PITPNB: variants seen among roughly 807,000 people sequenced by gnomAD.
PITPNB encodes phosphatidylinositol transfer protein beta isoform.
In PITPNB, 16 loss-of-function variants were observed where a neutral mutation model predicts 45.9. The ratio of observed to expected loss-of-function variants is 0.35; its 90% CI spans 0.24 to 0.53. The LOEUF (loss-of-function observed/expected upper bound fraction) is 0.53. Among genes scored for constraint, PITPNB ranks in the 20% least tolerant of loss-of-function variants. PITPNB has a pLI of 0.93. For missense variants in PITPNB, 188 were observed against 330.5 expected (o/e 0.57, Z 3.34); for synonymous variants, 112 against 108.9 (o/e 1.03, Z -0.18).
chr22:27,898,427 T>G (rs76967729), intron 3 of PITPNB, among the ~76,000 whole-genome samples: 1 of 139,332 alleles, frequency 7.2e-6, no homozygotes, highest in Admixed American at 7.1e-5. Flanking sequence ...GTGTGTGTGG[T>G]TTTTTTTTTT....
chr22:27,854,596 G>A (rs1290197105), intron 11 of PITPNB, among the ~76,000 whole-genome samples: 1 of 152,204 alleles, frequency 6.6e-6, no homozygotes, highest in African/African-American at 2.4e-5. Context: ...GCTACATGAT[G>A]AGTAACAGCA....
chr22:27,890,916 C>G (rs1318791949), intron 7 of PITPNB, among the ~76,000 whole-genome samples: 1 of 152,218 alleles, frequency 6.6e-6, no homozygotes, highest in Non-Finnish European at 1.5e-5. Context: ...AGTACTGACA[C>G]ACACTACGAA....
At chr22:27,913,057 C>T (rs1342545983) in intron 2 of PITPNB, among the ~76,000 whole-genome samples, 6 of 148,962 alleles carry the variant, frequency 4.0e-5, no homozygotes, top group African/African-American at 7.4e-5. Flanking sequence ...AGTGACAATA[C>T]CAAGACTCAA....
At chr22:27,856,274 A>T (rs1934169366) in intron 10 of PITPNB, among the ~76,000 whole-genome samples, 1 of 152,232 alleles carries the variant, frequency 6.6e-6, no homozygotes, top group Admixed American at 6.5e-5. Context: ...GGTGACACTA[A>T]GGAATTGGGC....
At chr22:27,871,513 C>T (rs1934658358) in intron 8 of PITPNB, among the ~76,000 whole-genome samples, 2 of 152,182 alleles carry the variant, frequency 1.3e-5, no homozygotes, top group Non-Finnish European at 2.9e-5. Context: ...GTGGAGGTAG[C>T]CACCATCTGG....
chr22:27,905,659 C>T (rs1246400462), intron 3 of PITPNB, among the ~76,000 whole-genome samples: 3 of 152,226 alleles, frequency 2.0e-5, no homozygotes, highest in African/African-American at 4.8e-5. Context: ...TCTTCTGTTT[C>T]GACCTTTGGG....
At chr22:27,885,595 G>A (rs537214201) in intron 7 of PITPNB, among the ~76,000 whole-genome samples, 7 of 152,052 alleles carry the variant, frequency 4.6e-5, no homozygotes, top group Admixed American at 1.3e-4. Context: ...CTGCAGCCTC[G>A]AACTCCTGAA....
At chr22:27,866,930 C>T (rs894323570) in intron 8 of PITPNB, among the ~76,000 whole-genome samples, 18 of 152,102 alleles carry the variant, frequency 1.2e-4, no homozygotes, top group Non-Finnish European at 1.9e-4. Context: ...ATATATGTGA[C>T]GTCTATGTAC....
chr22:27,919,042 G>C, intron 1 of PITPNB, 130 bp downstream of exon 1: 1 of 1,414,536 alleles, frequency 7.1e-7, no homozygotes, highest in Non-Finnish European at 1.0e-6. Flanking sequence ...CCGGGGGAGG[G>C]AGGGGGCGCC....
intron 10 of PITPNB, among the ~76,000 whole-genome samples, chr22:27,855,703 C>T (rs1215795700): frequency 3.3e-5 from 5 of 152,238 alleles, no homozygotes; most frequent in African/African-American, 9.6e-5. Context: ...AACTCCAGGG[C>T]AGTTCCCTGC....
At chr22:27,863,897 T>C (rs1161235174) in intron 8 of PITPNB, among the ~76,000 whole-genome samples, 4 of 152,238 alleles carry the variant, frequency 2.6e-5, no homozygotes, top group Non-Finnish European at 4.4e-5. Flanking sequence ...TAAAGTGGCA[T>C]TGTTCTATAA....
chr22:27,914,293 G>C, intron 2 of PITPNB, 24 bp downstream of exon 2: 2 of 1,519,140 alleles, frequency 1.3e-6, no homozygotes. Context: ...CCAATAAAAT[G>C]ATGCAGAAGC....
At chr22:27,856,024 C>T (rs1934162300) in intron 10 of PITPNB, among the ~76,000 whole-genome samples, 1 of 152,178 alleles carries the variant, frequency 6.6e-6, no homozygotes, top group African/African-American at 2.4e-5. Flanking sequence ...ACCATTAGGA[C>T]TCAAAGCAGC....
At chr22:27,858,534 A>G in intron 9 of PITPNB, 25 bp from the exon 10 acceptor site, 1 of 1,591,256 alleles carries the variant, frequency 6.3e-7, no homozygotes, top group East Asian at 2.2e-5. Context: ...ACAAAAAAGT[A>G]GCATAAGATG....
chr22:27,912,230 T>C (rs1388302672), intron 2 of PITPNB, among the ~76,000 whole-genome samples: 1 of 152,228 alleles, frequency 6.6e-6, no homozygotes, highest in African/African-American at 2.4e-5. Context: ...GGAGATATGA[T>C]GCTATCTTGC....
intron 3 of PITPNB, among the ~76,000 whole-genome samples, chr22:27,907,406 A>T (rs1029251529): frequency 6.6e-6 from 1 of 152,154 alleles, no homozygotes; most frequent in African/African-American, 2.4e-5. Context: ...ACACTGAGAA[A>T]TTTGTCATTG....
At chr22:27,866,406 T>C (rs1934486581) in intron 8 of PITPNB, among the ~76,000 whole-genome samples, 1 of 152,208 alleles carries the variant, frequency 6.6e-6, no homozygotes, top group Non-Finnish European at 1.5e-5. Context: ...GAGTAATGTA[T>C]ACTAGAGGCA....
intron 7 of PITPNB, among the ~76,000 whole-genome samples, chr22:27,881,536 A>G (rs1346949732): frequency 6.6e-6 from 1 of 152,234 alleles, no homozygotes; most frequent in Non-Finnish European, 1.5e-5. Flanking sequence ...CATGCTGAAG[A>G]AAACAACCAA....
chr22:27,866,796 C>G (rs1934498369), intron 8 of PITPNB, among the ~76,000 whole-genome samples: 1 of 152,194 alleles, frequency 6.6e-6, no homozygotes, highest in Non-Finnish European at 1.5e-5. Flanking sequence ...TGCTTAATTT[C>G]AGCTGCTGAT....
Sources: allele counts gnomAD v4.1 joint callset (sites outside exome capture counted in the v4.1 genomes callset), GRCh38; gene constraint gnomAD v4.1.1; transcripts MANE v1.5; gene names NCBI Gene and HGNC (gene_info 2026-07-23, HGNC 2026-07-21).